The following GRIA3 variants were observed in gnomAD, a reference collection of about 807,000 sequenced individuals.
GRIA3 encodes the protein glutamate ionotropic receptor AMPA type subunit 3, also known as glutamate receptor 3.
A neutral mutation model predicts 63.0 loss-of-function variants in GRIA3; 3 were observed. The observed-to-expected ratio is 0.05, with a 90% CI of 0.02 to 0.12. The LOEUF is 0.12. Among genes scored for constraint, GRIA3 ranks in the 10% least tolerant of loss-of-function variants. The pLI is 1.00. For missense variants in GRIA3, 347 were observed against 700.9 expected (o/e 0.50, Z 5.70); for synonymous variants, 274 against 257.9 (o/e 1.06, Z -0.60).
chrX:123,445,575 CA>C (rs2045699023), intron 12 of GRIA3, among the ~76,000 whole-genome samples: 1 of 112,011 alleles, frequency 8.9e-6, no homozygotes, highest in Non-Finnish European at 1.9e-5. Context: ...CAAAGATTAC[CA>C]AAAGCTAGTT....
chrX:123,444,952 C>T (rs777641629), intron 12 of GRIA3, among the ~76,000 whole-genome samples: 3 of 110,898 alleles, frequency 2.7e-5, no homozygotes, highest in East Asian at 2.9e-4. Flanking sequence ...ACCGGGGTGG[C>T]GATAGGAGAG....
At chrX:123,221,049 TC>T (rs1928275476) in intron 2 of GRIA3, among the ~76,000 whole-genome samples, 1 of 112,363 alleles carries the variant, frequency 8.9e-6, no homozygotes, top group Admixed American at 9.4e-5. Flanking sequence ...GTCAGTGCAT[TC>T]AAATTTTAAC....
chrX:123,435,368 C>A lies in GRIA3; in HGVS notation c.2076+7229C>A, dbSNP rs976424287. ...CACATACATTACTACACAATCCACACAACAATCCTGGGGCAGCCAGAACAA... is the reference window on the plus strand; with the variant it reads ...CACATACATTACTACACAATCCACAAAACAATCCTGGGGCAGCCAGAACAA... On this transcript the variant is annotated intron_variant, in intron 12 of 15. Coordinates refer to ENST00000620443, the MANE Select transcript of GRIA3 (RefSeq NM_007325.5). Among the ~76,000 whole-genome samples, 3 of 112,064 alleles carry A rather than the reference C, an allele frequency of 2.7e-5. No homozygotes were observed. In the Admixed American group the frequency reaches 2.8e-4, roughly 11 times the overall value.
At chrX:123,187,335 T>G (rs1927306779) in intron 2 of GRIA3, among the ~76,000 whole-genome samples, 1 of 112,332 alleles carries the variant, frequency 8.9e-6, no homozygotes, top group African/African-American at 3.2e-5. Flanking sequence ...TAGCTGAAGA[T>G]ACAGATCCTT....
intron 3 of GRIA3, among the ~76,000 whole-genome samples, chrX:123,279,011 G>A (rs1279947442): frequency 9.0e-6 from 1 of 111,229 alleles, no homozygotes; most frequent in Admixed American, 9.6e-5. Context: ...GATCACTTTG[G>A]GTAGTATGGA....
intron 3 of GRIA3, among the ~76,000 whole-genome samples, chrX:123,280,516 A>G (rs1448979601): frequency 2.7e-5 from 3 of 111,816 alleles, no homozygotes; most frequent in Non-Finnish European, 5.6e-5. Flanking sequence ...ATTCTGATAA[A>G]CTGGGTTTAG....
At chrX:123,201,425 G>A (rs1002616253) in intron 2 of GRIA3, among the ~76,000 whole-genome samples, 1 of 111,964 alleles carries the variant, frequency 8.9e-6, no homozygotes, top group East Asian at 2.8e-4. Context: ...GATGCAGAGG[G>A]TGCAGGAGAC....
At chrX:123,364,902 A>T (rs183288952) in intron 5 of GRIA3, among the ~76,000 whole-genome samples, 1 of 112,517 alleles carries the variant, frequency 8.9e-6, no homozygotes, top group African/African-American at 3.2e-5. Context: ...GTATATGTGG[A>T]ATCTTAAAAC....
At chrX:123,262,404 T>C (rs2044465323) in intron 3 of GRIA3, among the ~76,000 whole-genome samples, 1 of 111,508 alleles carries the variant, frequency 9.0e-6, no homozygotes. Flanking sequence ...CTGGTACACA[T>C]CCTACAATGC....
At chrX:123,306,422 A>G (rs1248476503) in intron 3 of GRIA3, among the ~76,000 whole-genome samples, 1 of 112,148 alleles carries the variant, frequency 8.9e-6, no homozygotes, top group Non-Finnish European at 1.9e-5. Context: ...TACTGTGCTA[A>G]TAACTTCCAC....
At chrX:123,462,466 A>G (rs2045798405) in intron 12 of GRIA3, among the ~76,000 whole-genome samples, 1 of 111,804 alleles carries the variant, frequency 8.9e-6, no homozygotes, top group Non-Finnish European at 1.9e-5. Context: ...ATGTGTTCCC[A>G]TCTCAGTGAA....
intron 12 of GRIA3, among the ~76,000 whole-genome samples, chrX:123,439,793 CT>C (rs34786936): frequency 0.2 from 21,309 of 104,818 alleles, 1,914 homozygotes; most frequent in African/African-American, 0.34. Flanking sequence ...TATTCTTGTT[CT>C]TTTTTTTTTA....
chrX:123,460,422 G>A (rs1473362710), intron 12 of GRIA3, among the ~76,000 whole-genome samples: 1 of 111,610 alleles, frequency 9.0e-6, no homozygotes, highest in Non-Finnish European at 1.9e-5. Flanking sequence ...CCCACTACAG[G>A]GTTTTCTATA....
rs111310115 is a variant in GRIA3, at chrX:123,456,045, G to A, written c.2077-8820G>A. On this transcript the variant is annotated intron_variant, in intron 12 of 15. Transcript: ENST00000620443. ...TTTATACTGAGGGGGTAGATTCATG[G>A]AAATGAGTGAGTAGGCTAAAGCCCA... is the stretch of plus-strand genomic sequence containing the variant. 3.4e-3 allele frequency among the ~76,000 whole-genome samples: 385 copies of A among 111,807 alleles called. 2 individuals carry two copies. Among genetic ancestry groups the A allele is most frequent in the African/African-American group, 0.012 (367 of 30,771 alleles).
intron 3 of GRIA3, among the ~76,000 whole-genome samples, chrX:123,319,815 G>GAA (rs1465358265): frequency 1.3e-5 from 1 of 74,449 alleles, no homozygotes. Context: ...GAACACCTCA[G>GAA]GAAAAAAAAA....
chrX:123,214,906 C>A (rs1259225420), intron 2 of GRIA3, among the ~76,000 whole-genome samples: 1 of 111,692 alleles, frequency 9.0e-6, no homozygotes, highest in African/African-American at 3.3e-5. Flanking sequence ...CCTAAAGAAA[C>A]CAACTCTGTG....
At chrX:123,370,557 T>G (rs775267435) in intron 5 of GRIA3, among the ~76,000 whole-genome samples, 1 of 111,819 alleles carries the variant, frequency 8.9e-6, no homozygotes, top group African/African-American at 3.2e-5. Context: ...CCCTTTCAGG[T>G]TTTCAGTGGT....
intron 2 of GRIA3, chrX:123,202,857 C>A: frequency 1.0e-6 from 1 of 982,993 alleles, no homozygotes; most frequent in Non-Finnish European, 1.4e-6. Context: ...TCCTGTTATG[C>A]CGCAAAGAAG....
intron 2 of GRIA3, among the ~76,000 whole-genome samples, chrX:123,240,214 A>C: frequency 8.9e-6 from 1 of 111,898 alleles, no homozygotes; most frequent in African/African-American, 3.3e-5. Flanking sequence ...CTCAGCGTGG[A>C]CCTCCTTGGC....
Sources: gnomAD v4.1 joint callset for allele counts (sites outside exome capture counted in the v4.1 genomes callset) on GRCh38, gnomAD v4.1.1 for gene constraint, MANE v1.5 for transcripts, NCBI Gene and HGNC (gene_info 2026-07-23, HGNC 2026-07-21) for gene names.